Variants in ASCC3 observed in about 807,000 individuals in gnomAD.
ASCC3 encodes the protein ASC-1 complex subunit P200.
ASCC3 carries 158 observed loss-of-function variants against 256.3 expected under a neutral mutation model. The ratio of observed to expected loss-of-function variants is 0.62; its 90% CI spans 0.54 to 0.70. The LOEUF is 0.70. ASCC3 is among the 30% of genes least tolerant of loss of function. The probability of loss-of-function intolerance (pLI) is 0.00; values close to 1 mark genes in which losing one functional copy is unlikely to be tolerated. For missense variants in ASCC3, 2,259 were observed against 2,626.0 expected (o/e 0.86, Z 3.05); for synonymous variants, 948 against 883.4 (o/e 1.07, Z -1.30).
intron 30 of ASCC3, among the ~76,000 whole-genome samples, chr6:100,617,027 CAG>C (rs1488985083): frequency 1.9e-4 from 29 of 151,752 alleles, no homozygotes; most frequent in African/African-American, 6.8e-4. Flanking sequence ...GTTGTTGAGA[CAG>C]AGTCTTGCTC....
At chr6:100,636,604 G>T (rs986794959) in intron 25 of ASCC3, among the ~76,000 whole-genome samples, 2 of 152,150 alleles carry the variant, frequency 1.3e-5, no homozygotes, top group African/African-American at 4.8e-5. Context: ...AAGGCATGTC[G>T]AAAGCTGAGA....
intron 24 of ASCC3, among the ~76,000 whole-genome samples, chr6:100,641,043 G>T (rs1342664160): frequency 6.6e-6 from 1 of 151,952 alleles, no homozygotes; most frequent in African/African-American, 2.4e-5. Context: ...AATCAATTCT[G>T]AAAAAGAAGA....
chr6:100,610,061 G>T (rs745637839), intron 30 of ASCC3, among the ~76,000 whole-genome samples: 7 of 152,172 alleles, frequency 4.6e-5, no homozygotes, highest in Non-Finnish European at 1.0e-4. Flanking sequence ...GATTTGAGAA[G>T]ACATGAGCAC....
chr6:100,600,587 A>C (rs1466362734), intron 34 of ASCC3, among the ~76,000 whole-genome samples: 4 of 152,162 alleles, frequency 2.6e-5, no homozygotes, highest in Non-Finnish European at 5.9e-5. Flanking sequence ...ATGTTGGCTG[A>C]AAAGAAACTT....
intron 8 of ASCC3, among the ~76,000 whole-genome samples, chr6:100,796,136 A>G (rs1327605677): frequency 3.3e-5 from 5 of 152,230 alleles, no homozygotes; most frequent in Non-Finnish European, 7.3e-5. Context: ...AAATAAAAAT[A>G]CAAATAATAC....
At chr6:100,582,763 C>A (rs1771370145) in intron 36 of ASCC3, among the ~76,000 whole-genome samples, 1 of 152,082 alleles carries the variant, frequency 6.6e-6, no homozygotes, top group Admixed American at 6.5e-5. Context: ...TATGCCCCAT[C>A]AATACCTAAT....
chr6:100,592,346 A>G (rs902041586), intron 34 of ASCC3, among the ~76,000 whole-genome samples: 1 of 151,952 alleles, frequency 6.6e-6, no homozygotes, highest in Admixed American at 6.6e-5. Flanking sequence ...CTTGCATAAC[A>G]GAAGAAATAC....
intron 34 of ASCC3, among the ~76,000 whole-genome samples, chr6:100,594,137 TATG>T (rs1401051078): frequency 6.6e-6 from 1 of 152,094 alleles, no homozygotes. Flanking sequence ...TTCATAGTAG[TATG>T]ATTAGCTGAA....
intron 36 of ASCC3, among the ~76,000 whole-genome samples, chr6:100,541,120 T>C (rs1315868042): frequency 2.6e-5 from 4 of 152,118 alleles, no homozygotes; most frequent in African/African-American, 7.2e-5. Context: ...ATCTATTTAT[T>C]AGCGTTTGTT....
intron 24 of ASCC3, among the ~76,000 whole-genome samples, chr6:100,640,204 A>T (rs971871233): frequency 6.6e-6 from 1 of 152,186 alleles, no homozygotes; most frequent in Admixed American, 6.5e-5. Context: ...CAAAGCCGAG[A>T]TATGTTCTTA....
At chr6:100,689,083 G>A (rs1478567260) in intron 13 of ASCC3, among the ~76,000 whole-genome samples, 1 of 152,052 alleles carries the variant, frequency 6.6e-6, no homozygotes, top group African/African-American at 2.4e-5. Context: ...TCCTCCTGCT[G>A]ACTGCATCTG....
intron 8 of ASCC3, among the ~76,000 whole-genome samples, chr6:100,774,325 T>C (rs1466886396): frequency 1.3e-5 from 2 of 152,050 alleles, no homozygotes; most frequent in East Asian, 3.9e-4. Context: ...TGCATGTACA[T>C]GACACGTACA....
intron 3 of ASCC3, chr6:100,859,263 T>C: frequency 1.3e-6 from 1 of 778,214 alleles, no homozygotes; most frequent in Admixed American, 1.7e-5. Context: ...TGCTTCCACA[T>C]CTTGGCCCCA....
intron 29 of ASCC3, among the ~76,000 whole-genome samples, chr6:100,625,539 AT>A (rs1774185800): frequency 3.3e-5 from 5 of 152,042 alleles, no homozygotes; most frequent in African/African-American, 4.8e-5. Context: ...CCTAGAGAGT[AT>A]ATTGCCTAGG....
At chr6:100,756,684 G>A (rs1182760208) in intron 10 of ASCC3, among the ~76,000 whole-genome samples, 1 of 152,060 alleles carries the variant, frequency 6.6e-6, no homozygotes, top group Non-Finnish European at 1.5e-5. Flanking sequence ...AAGTTTTGGG[G>A]TCAAACTGCT....
In ASCC3 at chr6:100,577,729, C is replaced by T. The variant is rs553215334; in HGVS notation, c.5550+11905G>A. Among the ~76,000 whole-genome samples the T allele has an allele frequency of 4.0e-5, 6 of 151,512 alleles. No individual in the cohort carries two copies. The East Asian group carries it at 7.8e-4, about 20-fold the overall frequency. On this transcript the variant is annotated intron_variant, in intron 36 of 41. Transcript: ENST00000369162. ...TAATTTATCTGTGTGTGAACACACACACACCCACCCACCCACACACACACA... is the reference window on the plus strand; with the variant it reads ...TAATTTATCTGTGTGTGAACACACATACACCCACCCACCCACACACACACA...
chr6:100,548,657 A>G lies in ASCC3; in HGVS notation c.5551-8270T>C, dbSNP rs536604223. Among the ~76,000 whole-genome samples, 18 of 152,074 alleles carry G rather than the reference A, an allele frequency of 1.2e-4. No individual in the cohort carries two copies. The South Asian group carries it at 3.5e-3, about 30-fold the overall frequency. Reference sequence around the variant, plus strand: ...AGGAAGAGATACATGGAAACATGAGAGAGTTTTGTAAAGAAATTTGACCAA... The same window carrying G: ...AGGAAGAGATACATGGAAACATGAGGGAGTTTTGTAAAGAAATTTGACCAA... On this transcript the variant is annotated intron_variant, in intron 36 of 41. Coordinates refer to ENST00000369162, the MANE Select transcript of ASCC3 (RefSeq NM_006828.4).
chr6:100,568,600 C>A (rs1033396645), intron 36 of ASCC3, among the ~76,000 whole-genome samples: 4 of 151,372 alleles, frequency 2.6e-5, no homozygotes, highest in African/African-American at 9.7e-5. Context: ...GGATTCTAGA[C>A]CTTTCTTGGA....
chr6:100,580,766 T>C (rs1350466032), intron 36 of ASCC3, among the ~76,000 whole-genome samples: 1 of 125,894 alleles, frequency 7.9e-6, no homozygotes, highest in Non-Finnish European at 1.6e-5. Context: ...CAGAGTGTGA[T>C]GTTCCCCTTC....
Sources: allele counts gnomAD v4.1 joint callset (sites outside exome capture counted in the v4.1 genomes callset), GRCh38; gene constraint gnomAD v4.1.1; transcripts MANE v1.5; gene names NCBI Gene and HGNC (gene_info 2026-07-23, HGNC 2026-07-21).